The following GPR158 variants were observed in gnomAD, a reference collection of about 807,000 sequenced individuals.
GPR158 encodes metabotropic glycine receptor.
GPR158 carries 30 observed loss-of-function variants against 78.2 expected under a neutral mutation model. That is an observed-to-expected ratio of 0.38 (90% CI 0.29 to 0.52). The LOEUF is 0.52. Among genes scored for constraint, GPR158 ranks in the 20% least tolerant of loss-of-function variants. The probability of loss-of-function intolerance (pLI) is 0.83; values close to 1 mark genes in which losing one functional copy is unlikely to be tolerated. For missense variants in GPR158, 1,463 were observed against 1,523.5 expected, an observed-to-expected ratio of 0.96 and a Z score of 0.66; for synonymous variants, 581 against 591.1, an observed-to-expected ratio of 0.98 and a Z score of 0.25.
In GPR158 at chr10:25,598,318, A is replaced by G. The variant is rs1161554809; in HGVS notation, c.2692A>G (p.Met898Val). 1 of 1,614,142 alleles carries G rather than the reference A, an allele frequency of 6.2e-7. No homozygotes were observed. The highest frequency in any genetic ancestry group is 8.5e-7 in the Non-Finnish European group (1 of 1,180,020). ...EKKTGHPRTSMLQKSLSVIAS... is the reference protein window; with the variant it reads ...EKKTGHPRTSVLQKSLSVIAS... ...GAAAACTGGGCACCCACGAACATCG[A>G]TGTTACAGAAGTCTCTCAGTGTCAT... is the stretch of plus-strand genomic sequence containing the variant. Residue 898 changes from methionine to valine, a missense_variant, in exon 11 of 11, where the codon ATG becomes GTG. By Grantham distance (21) the Met-to-Val change is conservative. Transcript: ENST00000376351.
intron 2 of GPR158, among the ~76,000 whole-genome samples, chr10:25,308,220 G>A (rs541002470): frequency 6.6e-6 from 1 of 152,162 alleles, no homozygotes; most frequent in South Asian, 2.1e-4. Flanking sequence ...GTGTGCCATG[G>A]TGGTTTGCTG....
At chr10:25,264,603 TAAG>T (rs1162614104) in intron 2 of GPR158, among the ~76,000 whole-genome samples, 1 of 152,140 alleles carries the variant, frequency 6.6e-6, no homozygotes, top group Non-Finnish European at 1.5e-5. Flanking sequence ...TGAGAGATAA[TAAG>T]AAATTGTCAT....
At chr10:25,274,918 C>T (rs753926715) in intron 2 of GPR158, among the ~76,000 whole-genome samples, 4 of 152,036 alleles carry the variant, frequency 2.6e-5, no homozygotes, top group Admixed American at 6.6e-5. Context: ...TGCTGAGTTA[C>T]GGTGACAAAG....
At chr10:25,532,463 G>A (rs549500659) in intron 5 of GPR158, among the ~76,000 whole-genome samples, 1 of 152,044 alleles carries the variant, frequency 6.6e-6, no homozygotes, top group East Asian at 1.9e-4. Context: ...CTCTTTTCCT[G>A]TGAATTCTTC....
chr10:25,580,918 A>ATT (rs201391296), intron 7 of GPR158, among the ~76,000 whole-genome samples: 47,157 of 108,248 alleles, frequency 0.44, 12,187 homozygotes, highest in African/African-American at 0.74. Context: ...ATTTTATTTT[A>ATT]TTTTATTTTA....
chr10:25,373,325 A>G (rs968779728), intron 2 of GPR158, among the ~76,000 whole-genome samples: 4 of 151,942 alleles, frequency 2.6e-5, no homozygotes, highest in Non-Finnish European at 5.9e-5. Flanking sequence ...TCAGAGAAAA[A>G]AAAACTGTTC....
chr10:25,596,471 TTGTC>T (rs1837407953), intron 9 of GPR158, among the ~76,000 whole-genome samples, 168 bp from the exon 10 acceptor site: 1 of 151,982 alleles, frequency 6.6e-6, no homozygotes, highest in Non-Finnish European at 1.5e-5. Flanking sequence ...CCCTGTCTGT[TTGTC>T]TGTCTGTGTC....
At chr10:25,354,286 T>TGGAG (rs1419574140) in intron 2 of GPR158, among the ~76,000 whole-genome samples, 1 of 148,538 alleles carries the variant, frequency 6.7e-6, no homozygotes, top group Non-Finnish European at 1.5e-5. Context: ...ACTGGAGAGG[T>TGGAG]GGAGGTTGCA....
At chr10:25,519,879 T>G (rs1419072473) in intron 5 of GPR158, among the ~76,000 whole-genome samples, 4 of 70,066 alleles carry the variant, frequency 5.7e-5, no homozygotes. Flanking sequence ...GAGGAGTATC[T>G]TTGTGGCGTT....
chr10:25,382,767 A>T (rs781334516), intron 2 of GPR158, among the ~76,000 whole-genome samples: 2 of 152,154 alleles, frequency 1.3e-5, no homozygotes, highest in Non-Finnish European at 2.9e-5. Flanking sequence ...CTGTTTTAGT[A>T]CAAAGTCTCC....
intron 2 of GPR158, among the ~76,000 whole-genome samples, chr10:25,309,640 G>A (rs1254594330): frequency 6.6e-6 from 1 of 151,964 alleles, no homozygotes; most frequent in Non-Finnish European, 1.5e-5. Flanking sequence ...TTGAATTGTA[G>A]CACCCATAAT....
At chr10:25,306,570 T>G (rs929371094) in intron 2 of GPR158, among the ~76,000 whole-genome samples, 6 of 152,232 alleles carry the variant, frequency 3.9e-5, no homozygotes, top group African/African-American at 1.4e-4. Flanking sequence ...TGTATGTATA[T>G]GCACATGCAG....
intron 2 of GPR158, among the ~76,000 whole-genome samples, chr10:25,258,142 G>A (rs1853915977): frequency 6.6e-6 from 1 of 152,150 alleles, no homozygotes; most frequent in African/African-American, 2.4e-5. Context: ...AAACATGTAA[G>A]CCATTCAACA....
At chr10:25,529,614 A>T (rs1398889909) in intron 5 of GPR158, among the ~76,000 whole-genome samples, 1 of 152,214 alleles carries the variant, frequency 6.6e-6, no homozygotes, top group African/African-American at 2.4e-5. Flanking sequence ...TAAAAGCGCA[A>T]TATAAAGGTT....
intron 2 of GPR158, among the ~76,000 whole-genome samples, chr10:25,333,215 G>A (rs1243189032): frequency 6.6e-6 from 1 of 152,100 alleles, no homozygotes; most frequent in Non-Finnish European, 1.5e-5. Context: ...CAAAACAAGA[G>A]GCTTAGTATC....
At chr10:25,545,106 T>A (rs147768182) in intron 5 of GPR158, among the ~76,000 whole-genome samples, 1 of 152,228 alleles carries the variant, frequency 6.6e-6, no homozygotes, top group Non-Finnish European at 1.5e-5. Flanking sequence ...CAGTCTATCA[T>A]TGATGAGCAT....
chr10:25,280,559 A>G (rs1393389564), intron 2 of GPR158, among the ~76,000 whole-genome samples: 1 of 152,232 alleles, frequency 6.6e-6, no homozygotes, highest in Non-Finnish European at 1.5e-5. Flanking sequence ...AACAGACAAT[A>G]AGGAAACAGA....
chr10:25,438,974 A>C (rs1214523285), intron 4 of GPR158, among the ~76,000 whole-genome samples: 2 of 152,258 alleles, frequency 1.3e-5, no homozygotes, highest in Non-Finnish European at 2.9e-5. Context: ...GGATACAGCC[A>C]CATTTGTTTG....
intron 5 of GPR158, among the ~76,000 whole-genome samples, chr10:25,533,559 A>T (rs1836452972): frequency 6.6e-6 from 1 of 152,182 alleles, no homozygotes; most frequent in African/African-American, 2.4e-5. Flanking sequence ...TACATGAATT[A>T]TTCGGTTTAA....
Sources: allele counts gnomAD v4.1 joint callset (sites outside exome capture counted in the v4.1 genomes callset), GRCh38; gene constraint gnomAD v4.1.1; transcripts MANE v1.5; gene names NCBI Gene and HGNC (gene_info 2026-07-23, HGNC 2026-07-21).